LRRIQ1: variants seen among roughly 807,000 people sequenced by gnomAD.
The protein encoded by LRRIQ1 is leucine rich repeats and IQ motif containing 1, also known as leucine-rich repeat- and IQ domain-containing protein 1.
In LRRIQ1, 210 loss-of-function variants were observed where a neutral mutation model predicts 211.9. The ratio of observed to expected loss-of-function variants is 0.99; its 90% confidence interval spans 0.89 to 1.11. LRRIQ1 has a LOEUF of 1.11. Ranked by LOEUF, LRRIQ1 falls within the 50% of genes most tolerant of loss-of-function variation. The probability of loss-of-function intolerance (pLI) is 0.00; values close to 1 mark genes in which losing one functional copy is unlikely to be tolerated. For synonymous variants in LRRIQ1, 699 were observed against 650.1 expected, an observed-to-expected ratio of 1.08 and a Z score of -1.14; for missense variants, 2,136 against 1,939.5, an observed-to-expected ratio of 1.10 and a Z score of -1.90.
chr12:85,259,722 C>T (rs1215604746), intron 1 of LRRIQ1, among the ~76,000 whole-genome samples: 1 of 152,022 alleles, frequency 6.6e-6, no homozygotes, highest in Non-Finnish European at 1.5e-5. Flanking sequence ...TTCAAAACTG[C>T]TATAAAGCTG....
At chr12:85,232,566 A>G in intron 25 of LRRIQ1, 130 bp from the exon 26 acceptor site, 1 of 698,710 alleles carries the variant, frequency 1.4e-6, no homozygotes. Context: ...CTTATAACCT[A>G]ATTTAAGAAA....
intron 13 of LRRIQ1, among the ~76,000 whole-genome samples, chr12:85,102,953 A>ATATATATATATATATATATAT (rs1555207709): frequency 1.7e-5 from 2 of 118,826 alleles, no homozygotes; most frequent in African/African-American, 7.0e-5. Flanking sequence ...GCAAAAAAAA[A>ATATATATATATATATATATAT]AAAAAAATAT....
chr12:85,152,138 T>C (rs1890285641), intron 19 of LRRIQ1, 142 bp from the exon 20 acceptor site: 1 of 616,500 alleles, frequency 1.6e-6, no homozygotes, highest in Admixed American at 3.4e-5. Context: ...GAATATCATC[T>C]CACAATAGTA....
chr12:85,128,175 G>A (rs1888515942), intron 18 of LRRIQ1, 142 bp downstream of exon 18: 10 of 738,206 alleles, frequency 1.4e-5, no homozygotes, highest in Admixed American at 2.8e-5. Flanking sequence ...CATGTTGGCT[G>A]CAGGTTAGCT....
intron 8 of LRRIQ1, among the ~76,000 whole-genome samples, chr12:85,059,580 A>G (rs1287877738): frequency 6.6e-6 from 1 of 152,006 alleles, no homozygotes; most frequent in Non-Finnish European, 1.5e-5. Flanking sequence ...CTAAATGTCT[A>G]TTGATCTCAC....
intron 11 of LRRIQ1, among the ~76,000 whole-genome samples, chr12:85,095,994 G>C (rs1885842579): frequency 6.6e-6 from 1 of 152,052 alleles, no homozygotes; most frequent in South Asian, 2.1e-4. Context: ...ATTTCTGTGG[G>C]ATTGGTTGTA....
At chr12:85,137,713 A>G (rs1326301781) in intron 18 of LRRIQ1, 137 bp from the exon 19 acceptor site, 3 of 668,312 alleles carry the variant, frequency 4.5e-6, no homozygotes, top group Non-Finnish European at 7.0e-6. Context: ...TAAGTGTCAC[A>G]TAAAGTTCAG....
At chr12:85,171,064 G>GT (rs1485941729) in intron 24 of LRRIQ1, among the ~76,000 whole-genome samples, 1 of 152,120 alleles carries the variant, frequency 6.6e-6, no homozygotes, top group Non-Finnish European at 1.5e-5. Context: ...AAGAGACGAT[G>GT]TAAGTAGAGC....
intron 11 of LRRIQ1, chr12:85,076,471 A>G (rs1173046550): frequency 9.6e-6 from 2 of 208,908 alleles, no homozygotes; most frequent in Non-Finnish European, 1.7e-5. Context: ...ATATTTGCCA[A>G]TTTATAAATT....
chr12:85,074,060 A>G (rs1016652303), intron 11 of LRRIQ1, among the ~76,000 whole-genome samples: 1 of 152,088 alleles, frequency 6.6e-6, no homozygotes. Context: ...TTACTGTGCT[A>G]TAGTTATCAC....
chr12:85,191,416 G>GGT lies in LRRIQ1; in HGVS notation c.4822+30703_4822+30704dup, dbSNP rs541430033. Among the ~76,000 whole-genome samples the GGT allele has an allele frequency of 1.9e-4, 29 of 151,982 alleles. No individual in the cohort carries two copies. The East Asian group carries it at 5.6e-3, about 29-fold the overall frequency. On this transcript the variant is annotated intron_variant, in intron 24 of 26. Coordinates refer to ENST00000393217, the MANE Select transcript of LRRIQ1 (RefSeq NM_001079910.2). ...GAATGTCACATAGTTGGAATCATGT[G>GGT]GTATATAGCCTTTTCAGATTGGCAT...
downstream of LRRIQ1, among the ~76,000 whole-genome samples, chr12:85,246,202 A>G (rs754339774): frequency 2.8e-4 from 43 of 151,288 alleles, no homozygotes; most frequent in Non-Finnish European, 5.9e-5. Context: ...GAATCTGGTC[A>G]TTGAAATGTT....
chr12:85,265,062 C>G (rs1896392951), downstream of LRRIQ1, among the ~76,000 whole-genome samples: 1 of 152,024 alleles, frequency 6.6e-6, no homozygotes. Flanking sequence ...ATAGCCCCGT[C>G]CCAAGGTCCA....
chr12:85,227,379 C>A (rs1894714443), intron 24 of LRRIQ1, among the ~76,000 whole-genome samples: 1 of 152,094 alleles, frequency 6.6e-6, no homozygotes, highest in Admixed American at 6.6e-5. Flanking sequence ...CACCCATTAA[C>A]TCGTCATTTA....
chr12:85,167,879 A>T (rs987033427), intron 24 of LRRIQ1, among the ~76,000 whole-genome samples: 1 of 151,512 alleles, frequency 6.6e-6, no homozygotes, highest in African/African-American at 2.4e-5. Flanking sequence ...AATAATGCCT[A>T]ACCTAACGCA....
intron 6 of LRRIQ1, among the ~76,000 whole-genome samples, chr12:85,051,870 G>A (rs1057301080): frequency 6.6e-6 from 1 of 152,070 alleles, no homozygotes; most frequent in Non-Finnish European, 1.5e-5. Context: ...AAACATTATT[G>A]TAATTTTTAC....
intron 13 of LRRIQ1, among the ~76,000 whole-genome samples, chr12:85,099,278 T>G (rs1378570089): frequency 2.0e-5 from 3 of 151,882 alleles, no homozygotes; most frequent in Non-Finnish European, 4.4e-5. Context: ...GAAGATTTGT[T>G]TATGTTTATA....
chr12:85,148,671 G>A (rs747985298), intron 19 of LRRIQ1, among the ~76,000 whole-genome samples: 15 of 151,934 alleles, frequency 9.9e-5, no homozygotes, highest in Non-Finnish European at 1.9e-4. Context: ...ACCTAGTAAT[G>A]AGATTGCTGG....
At chr12:85,113,258 T>A (rs1383653726) in intron 15 of LRRIQ1, among the ~76,000 whole-genome samples, 1 of 152,184 alleles carries the variant, frequency 6.6e-6, no homozygotes, top group African/African-American at 2.4e-5. Flanking sequence ...ACATTTCCTT[T>A]ATTTTTTTAA....
Sources: gnomAD v4.1 joint callset for allele counts (sites outside exome capture counted in the v4.1 genomes callset) on GRCh38, gnomAD v4.1.1 for gene constraint, MANE v1.5 for transcripts, NCBI Gene and HGNC (gene_info 2026-07-23, HGNC 2026-07-21) for gene names.